The following USP47 variants were observed in gnomAD, a reference collection of about 807,000 sequenced individuals.
The protein encoded by USP47 is ubiquitin carboxyl-terminal hydrolase 47.
Under a neutral mutation model 165.1 loss-of-function variants are expected in USP47, and 35 were observed. That is an observed-to-expected ratio of 0.21 (90% CI 0.16 to 0.28). USP47 has a LOEUF of 0.28. USP47 is among the 10% of genes least tolerant of loss of function. The probability of loss-of-function intolerance (pLI) is 1.00; values close to 1 mark genes in which losing one functional copy is unlikely to be tolerated. For missense variants in USP47, 1,277 were observed against 1,607.4 expected, an observed-to-expected ratio of 0.79 and a Z score of 3.52; for synonymous variants, 531 against 544.5, an observed-to-expected ratio of 0.98 and a Z score of 0.35.
At chr11:11,934,426 A>C (rs527403235) in intron 16 of USP47, among the ~76,000 whole-genome samples, 4 of 152,134 alleles carry the variant, frequency 2.6e-5, no homozygotes, top group Non-Finnish European at 4.4e-5. Context: ...AAATTGAGAA[A>C]ATTTATTTTG....
At chr11:11,914,666 A>T (rs1282718642) in intron 8 of USP47, among the ~76,000 whole-genome samples, 3 of 152,198 alleles carry the variant, frequency 2.0e-5, no homozygotes, top group Non-Finnish European at 4.4e-5. Context: ...TACTCTCAAG[A>T]CATCAGTTTA....
chr11:11,901,023 G>C (rs1352868759), intron 5 of USP47, among the ~76,000 whole-genome samples: 1 of 152,218 alleles, frequency 6.6e-6, no homozygotes, highest in Non-Finnish European at 1.5e-5. Flanking sequence ...TGGGGATTGA[G>C]AATAGAAGAG....
chr11:11,881,262 C>G (rs1850808147), intron 2 of USP47, among the ~76,000 whole-genome samples: 1 of 152,072 alleles, frequency 6.6e-6, no homozygotes, highest in African/African-American at 2.4e-5. Context: ...TGGCTTCTGA[C>G]TCTTTAGGGT....
chr11:11,918,515 GAAGTT>G (rs1198586532), intron 8 of USP47, among the ~76,000 whole-genome samples: 1 of 152,020 alleles, frequency 6.6e-6, no homozygotes, highest in Non-Finnish European at 1.5e-5. Flanking sequence ...AAGTCATATT[GAAGTT>G]AAGAGGCAAA....
chr11:11,936,071 G>T (rs1855040675), intron 16 of USP47, among the ~76,000 whole-genome samples: 2 of 151,604 alleles, frequency 1.3e-5, no homozygotes, highest in Non-Finnish European at 2.9e-5. Flanking sequence ...AATGTATTTA[G>T]TACATGCTTT....
Position 11,903,310 on chromosome 11 carries a change from G to T in USP47, c.787G>T (p.Ala263Ser), listed in dbSNP as rs781584976. ...AGAACTATGCAGAGTCATGTTTGAT[G>T]CTTTGGAACAGAAATGGAAGCAAAC... Reference protein sequence around the residue: ...VQELCRVMFDALEQKWKQTEQ... With the variant: ...VQELCRVMFDSLEQKWKQTEQ... Residue 263 changes from alanine to serine, a missense_variant, in exon 7 of 28, where the codon GCT becomes TCT. Ala to Ser is a moderately conservative substitution (Grantham distance 99). This residue lies in a region of USP47 where 175 missense variants were observed against 295.8 expected (regional missense o/e 0.59). Transcript: ENST00000527733. 1 of 1,612,494 alleles carries T rather than the reference G, an allele frequency of 6.2e-7. No individual in the cohort carries two copies. Among genetic ancestry groups the T allele is most frequent in the South Asian group, 1.1e-5 (1 of 90,808 alleles).
chr11:11,916,900 A>G lies in USP47; in HGVS notation c.970-3256A>G, dbSNP rs143889116. Reference sequence around the variant, plus strand: ...CACAGTGGCTCATGCCTGTAATTCCAGCATTTTGAGAGGCTGAGGCAGGAG... The same window carrying G: ...CACAGTGGCTCATGCCTGTAATTCCGGCATTTTGAGAGGCTGAGGCAGGAG... On this transcript the variant is annotated intron_variant, in intron 8 of 27. Transcript: ENST00000527733. Among the ~76,000 whole-genome samples, 872 of 152,276 alleles carry G rather than the reference A, an allele frequency of 5.7e-3. 10 individuals are homozygous for G. Among genetic ancestry groups the G allele is most frequent in the African/African-American group, 0.02 (832 of 41,538 alleles).
Position 11,925,256 on chromosome 11 carries a change from G to A in USP47, c.1386+2365G>A, listed in dbSNP as rs934712451. On this transcript the variant is annotated intron_variant, in intron 11 of 27. Coordinates refer to ENST00000527733, the MANE Select transcript of USP47 (RefSeq NM_001282659.2). ...CTGAGTAGCTGGAACTACAGGCACC[G>A]GCCACCACGCCCAGCTAATTTTTTT... Among the ~76,000 whole-genome samples, 14 of 151,594 alleles carry A rather than the reference G, an allele frequency of 9.2e-5. No homozygotes were observed. The South Asian group carries it at 1.5e-3, about 16-fold the overall frequency.
chr11:11,925,869 C>A (rs559194524), intron 11 of USP47, among the ~76,000 whole-genome samples: 13 of 152,224 alleles, frequency 8.5e-5, no homozygotes, highest in African/African-American at 3.1e-4. Flanking sequence ...ATGATGGTAG[C>A]TGTGGGGTTT....
chr11:11,852,715 G>T lies in USP47; in HGVS notation c.39+10491G>T, dbSNP rs188277051. 4.2e-3 allele frequency among the ~76,000 whole-genome samples: 638 copies of T among 152,246 alleles called. 2 individuals carry two copies. The highest frequency in any genetic ancestry group is 0.014 in the Middle Eastern group (4 of 294). ...AAAATTGTGTTTCTGTTTGTTTGGGGTTAATAGTCTTTCAAAAATTTCTTA... is the reference window on the plus strand; with the variant it reads ...AAAATTGTGTTTCTGTTTGTTTGGGTTTAATAGTCTTTCAAAAATTTCTTA... On this transcript the variant is annotated intron_variant, in intron 1 of 27. Transcript: ENST00000527733.
chr11:11,912,563 A>G (rs1853075302), intron 8 of USP47, among the ~76,000 whole-genome samples: 1 of 152,136 alleles, frequency 6.6e-6, no homozygotes, highest in Non-Finnish European at 1.5e-5. Context: ...GGAAATCTCC[A>G]AATCTTGATT....
At chr11:11,871,986 T>A (rs1204272690) in intron 1 of USP47, among the ~76,000 whole-genome samples, 1 of 152,212 alleles carries the variant, frequency 6.6e-6, no homozygotes, top group Non-Finnish European at 1.5e-5. Context: ...AAGGACTTGA[T>A]TGAGAAATGA....
At position 11,942,774 on chromosome 11, in the gene USP47, T is replaced by C. The variant is rs765479445; in HGVS notation, c.2753T>C (p.Phe918Ser). 1 of 1,613,610 alleles carries C rather than the reference T, an allele frequency of 6.2e-7. No homozygotes were observed. Among genetic ancestry groups the C allele is most frequent in the South Asian group, 1.1e-5 (1 of 91,060 alleles). ...ATTCAGACTTCTGATCCAGAAAATT[T>C]TCAGTCTGAAGAACGATCAGACTCA... The part of the protein sequence containing the change: ...QHIQTSDPEN[F>S]QSEERSDSDV... The change falls in exon 20 of 28, where the codon TTT becomes TCT. Residue 918 changes from phenylalanine to serine, a missense_variant. Transcript: ENST00000527733.
intron 13 of USP47, 53 bp downstream of exon 13, chr11:11,930,173 C>A: frequency 6.7e-7 from 1 of 1,491,318 alleles, no homozygotes; most frequent in Non-Finnish European, 9.3e-7. Context: ...ATTATAGCTT[C>A]TCAGTGTTTT....
chr11:11,953,087 T>C (rs1856329572), intron 25 of USP47, among the ~76,000 whole-genome samples: 1 of 152,268 alleles, frequency 6.6e-6, no homozygotes, highest in South Asian at 2.1e-4. Flanking sequence ...CTTTGAAAAA[T>C]TACTTTGGCT....
At chr11:11,852,672 T>C (rs1011806214) in intron 1 of USP47, among the ~76,000 whole-genome samples, 1 of 152,230 alleles carries the variant, frequency 6.6e-6, no homozygotes, top group Non-Finnish European at 1.5e-5. Context: ...TTGCCACTTA[T>C]TCTGTTTTCT....
intron 10 of USP47, among the ~76,000 whole-genome samples, chr11:11,922,402 G>T (rs1400418838): frequency 6.6e-6 from 1 of 151,886 alleles, no homozygotes; most frequent in Non-Finnish European, 1.5e-5. Context: ...CTCTGATTTT[G>T]TGGATTTTGC....
intron 20 of USP47, among the ~76,000 whole-genome samples, chr11:11,945,155 G>A (rs978296697): frequency 4.6e-5 from 7 of 152,084 alleles, no homozygotes; most frequent in African/African-American, 1.4e-4. Context: ...ATGTGACCCC[G>A]GAAAATGTCT....
chr11:11,871,442 G>T (rs1850039111), intron 1 of USP47, among the ~76,000 whole-genome samples: 1 of 137,294 alleles, frequency 7.3e-6, no homozygotes. Flanking sequence ...GGCAGAGCTT[G>T]CAGTGAGCTG....
Sources: allele counts gnomAD v4.1 joint callset (sites outside exome capture counted in the v4.1 genomes callset), GRCh38; gene constraint gnomAD v4.1.1; regional missense constraint gnomAD v4.1.1; transcripts MANE v1.5; gene names NCBI Gene and HGNC (gene_info 2026-07-23, HGNC 2026-07-21).